The following THAP3 variants were observed in gnomAD, a reference collection of about 807,000 sequenced individuals.
THAP3 encodes THAP domain-containing protein 3.
Under a neutral mutation model 17.7 loss-of-function variants are expected in THAP3, and 12 were observed. The observed-to-expected ratio is 0.68, with a 90% CI of 0.43 to 1.10. The LOEUF (loss-of-function observed/expected upper bound fraction) is 1.10, where lower values mean the gene tolerates loss of function less well. Among genes scored for constraint, THAP3 ranks in the 50% least tolerant of loss-of-function variants. THAP3 has a pLI of 0.00. For missense variants in THAP3, 289 were observed against 318.0 expected (o/e 0.91, Z 0.69); for synonymous variants, 133 against 126.9 (o/e 1.05, Z -0.32).
chr1:6,632,461 A>G lies in THAP3; in HGVS notation c.404A>G (p.Gln135Arg). 6.2e-7 allele frequency: 1 copy of G among 1,614,172 alleles called. No homozygotes were observed. The highest frequency in any genetic ancestry group is 8.5e-7 in the Non-Finnish European group (1 of 1,180,014). The stretch of plus-strand genomic sequence containing the variant: ...ATGGACACTGCACTTGAAGAGCTTC[A>G]GTTGCCCCCAAATGCCGAAGGCCAC... The part of the protein sequence containing the change: ...RNMDTALEEL[Q>R]LPPNAEGHVK... The change falls in exon 5 of 6, where the codon CAG becomes CGG. Residue 135 changes from glutamine (Q) to arginine (R), a missense_variant. Gln to Arg is a conservative substitution (Grantham distance 43). Transcript: ENST00000054650.
chr1:6,634,622 T>C (rs772997373), downstream of THAP3: 1 of 1,366,496 alleles, frequency 7.3e-7, no homozygotes, highest in Non-Finnish European at 9.8e-7. Context: ...CACGTAACTT[T>C]ACTGCAGCCG....
downstream of THAP3, chr1:6,634,114 A>AG (rs756021835): frequency 6.3e-5 from 101 of 1,601,904 alleles, 3 homozygotes; most frequent in East Asian, 2.2e-3. Context: ...CCTCTGGGGA[A>AG]GGGGTTCCCT....
At chr1:6,634,926 G>A (rs1246046920), downstream of THAP3, 2 of 1,145,448 alleles carry the variant, frequency 1.7e-6, no homozygotes, top group East Asian at 6.0e-5. Context: ...AGGCGGTGGA[G>A]GGACACAGGC....
In THAP3 at chr1:6,625,317, C is replaced by G. The variant is rs769735003; in HGVS notation, c.74+25C>G. 3.3e-6 allele frequency: 5 copies of G among 1,522,090 alleles called. No homozygotes were observed. In the East Asian group the frequency reaches 1.3e-4, roughly 41 times the overall value. The allele number at this position is 1,522,090 out of a possible 1,614,324, so 94.3% of individuals were successfully genotyped here. ...GGTAAGAGGCGGGGACCCGGGGGCG[C>G]GGGAGGCCCAGACCCGGGGCCCGCG... On this transcript the variant is annotated intron_variant, in intron 2 of 5. Transcript: ENST00000054650.
Position 6,632,421 on chromosome 1 carries a change from A to G in THAP3, c.364A>G (p.Ser122Gly), listed in dbSNP as rs1339397467. 1.9e-6 allele frequency: 3 copies of G among 1,613,882 alleles called. No homozygotes were observed. The highest frequency in any genetic ancestry group is 1.7e-6 in the Non-Finnish European group (2 of 1,180,014). The change falls in exon 5 of 6, where the codon AGT (serine) becomes GGT (glycine). Residue 122 changes from serine (S) to glycine (G), a missense_variant. Coordinates refer to ENST00000054650, the MANE Select transcript of THAP3 (RefSeq NM_001195753.2). ...CCCTGAGGCGGGGGCCGGAGAGGAC[A>G]GTCCTGGGAGAAACATGGACACTGC... ...VLPEAGAGEDSPGRNMDTALE... is the reference protein window; with the variant it reads ...VLPEAGAGEDGPGRNMDTALE...
Position 6,625,236 on chromosome 1 carries a change from G to C in THAP3, c.18G>C (p.Ala6=), listed in dbSNP as rs1344195263. Reference sequence around the variant, plus strand: ...GGCTCGAGATGCCGAAGTCGTGCGCGGCCCGGCAGTGCTGCAACCGCTACA... The same window carrying C: ...GGCTCGAGATGCCGAAGTCGTGCGCCGCCCGGCAGTGCTGCAACCGCTACA... MPKSC[A]ARQCCNRYSS... is the part of the protein sequence containing the mutation. Residue 6 remains alanine (A), a synonymous_variant, in exon 2 of 6, where the codon GCG becomes GCC. Coordinates refer to ENST00000054650, the MANE Select transcript of THAP3 (RefSeq NM_001195753.2). 5 of 1,544,512 alleles carry C rather than the reference G, an allele frequency of 3.2e-6. No individual in the cohort carries two copies. The African/African-American group carries it at 7.0e-5, about 22-fold the overall frequency.
intron 4 of THAP3, among the ~76,000 whole-genome samples, chr1:6,631,040 CTG>C (rs1423607452): frequency 6.6e-6 from 1 of 152,092 alleles, no homozygotes; most frequent in Admixed American, 6.6e-5. Flanking sequence ...GGGTCTCACT[CTG>C]TTGCTCAGGC....
At chr1:6,629,137 G>T (rs1325941168) in intron 3 of THAP3, among the ~76,000 whole-genome samples, 1 of 152,220 alleles carries the variant, frequency 6.6e-6, no homozygotes, top group Non-Finnish European at 1.5e-5. Flanking sequence ...GGAGGCAGAG[G>T]TTGCAGTGAG....
intron 2 of THAP3, chr1:6,627,869 C>T (rs1031946203): frequency 2.0e-5 from 3 of 152,454 alleles, no homozygotes; most frequent in Non-Finnish European, 4.4e-5. Flanking sequence ...CAGGTTCCAT[C>T]TCACCTCTGT....
chr1:6,630,269 C>G lies in THAP3; in HGVS notation c.268-19C>G, dbSNP rs369926753. ...AGGGTTCTTGGGGTCTGCATCCACT[C>G]TGTGTGTGTCTCTTGTAGCAGGTGA... On this transcript the variant is annotated intron_variant, in intron 3 of 5. Coordinates refer to ENST00000054650, the MANE Select transcript of THAP3 (RefSeq NM_001195753.2). 139 of 1,613,358 alleles carry G rather than the reference C, an allele frequency of 8.6e-5. No individual in the cohort carries two copies. The highest frequency in any genetic ancestry group is 1.1e-4 in the Non-Finnish European group (127 of 1,179,410).
downstream of THAP3, chr1:6,633,584 T>G: frequency 9.4e-7 from 1 of 1,067,728 alleles, no homozygotes; most frequent in Non-Finnish European, 1.1e-6. Flanking sequence ...CCATCATCAT[T>G]TTCTCTAGTG....
Position 6,632,813 on chromosome 1 carries a change from G to T in THAP3, c.456G>T (p.Pro152=), listed in dbSNP as rs749126970. ...GTCCTCAGGTCTCGCCACGGAGGCC[G>T]CAAGCAACAGAGGCTGTTGGCCGGC... ...GHVKQVSPRR[P]QATEAVGRPT... Residue 152 remains proline (P), a synonymous_variant, in exon 6 of 6, where the codon CCG becomes CCT. Transcript: ENST00000054650. 1.2e-6 allele frequency: 2 copies of T among 1,612,912 alleles called. No individual in the cohort carries two copies. Among genetic ancestry groups the T allele is most frequent in the Non-Finnish European group, 1.7e-6 (2 of 1,179,898 alleles).
intron 3 of THAP3, 141 bp downstream of exon 3, chr1:6,628,832 G>C (rs951234937): frequency 2.0e-5 from 16 of 809,060 alleles, no homozygotes; most frequent in Non-Finnish European, 2.9e-5. Flanking sequence ...ACGCCTCTGG[G>C]GTCCACAGCC....
chr1:6,629,259 G>T (rs1556034), intron 3 of THAP3, among the ~76,000 whole-genome samples: 1 of 152,236 alleles, frequency 6.6e-6, no homozygotes, highest in South Asian at 2.1e-4. Flanking sequence ...GGGCACCCAC[G>T]TGGAGTGGGC....
chr1:6,633,995 A>T (rs555962803), downstream of THAP3: 2 of 1,608,008 alleles, frequency 1.2e-6, no homozygotes, highest in East Asian at 2.2e-5. Flanking sequence ...CTGATTTCCT[A>T]ACTTGGGGTC....
downstream of THAP3, chr1:6,634,520 G>T: frequency 7.4e-7 from 1 of 1,358,590 alleles, no homozygotes; most frequent in Admixed American, 1.9e-5. Flanking sequence ...CCCCGCGCCA[G>T]CTGTCTCAGC....
At chr1:6,633,898 C>A, downstream of THAP3, 1 of 855,828 alleles carries the variant, frequency 1.2e-6, no homozygotes, top group Non-Finnish European at 1.8e-6. Flanking sequence ...CACTGGGTGA[C>A]AGAGCGAGAC....
chr1:6,625,348 A>C, intron 2 of THAP3, 56 bp downstream of exon 2: 2 of 1,458,516 alleles, frequency 1.4e-6, no homozygotes, highest in Non-Finnish European at 1.8e-6. Flanking sequence ...CCGCGGACCG[A>C]CTCCGAGGCC....
chr1:6,630,934 A>G (rs1194947030), intron 4 of THAP3, among the ~76,000 whole-genome samples: 1 of 150,706 alleles, frequency 6.6e-6, no homozygotes, highest in Admixed American at 6.6e-5. Context: ...GTCTCAAACT[A>G]CCGGGCTCAA....
Sources: gnomAD v4.1 joint callset for allele counts (sites outside exome capture counted in the v4.1 genomes callset) on GRCh38, gnomAD v4.1.1 for gene constraint, MANE v1.5 for transcripts, NCBI Gene and HGNC (gene_info 2026-07-23, HGNC 2026-07-21) for gene names.